CCDC40: variants seen among roughly 807,000 people sequenced by gnomAD.
The protein encoded by CCDC40 is coiled-coil domain-containing protein 40.
In CCDC40, 104 loss-of-function variants were observed where a neutral mutation model predicts 124.5. The ratio of observed to expected loss-of-function variants is 0.84; its 90% confidence interval spans 0.71 to 0.98. CCDC40 has a LOEUF of 0.98. CCDC40 is among the 50% of genes least tolerant of loss of function. The pLI, the probability that CCDC40 is intolerant of heterozygous loss-of-function variation, is 0.00. For missense variants in CCDC40, 1,463 were observed against 1,503.9 expected (o/e 0.97, Z 0.45); for synonymous variants, 580 against 602.9 (o/e 0.96, Z 0.56).
chr17:80,049,892 T>A lies in CCDC40; in HGVS notation c.856-14T>A, dbSNP rs2037534086. ...ACCAGAAAGGTAACCACCTGTGGTT[T>A]TCCATTGTTCTAGCCCCTGATGGTA... On this transcript the variant is annotated splice_polypyrimidine_tract_variant and intron_variant, in intron 5 of 19. Transcript: ENST00000397545. The A allele has an allele frequency of 1.2e-6, 2 of 1,612,646 alleles. No individual in the cohort carries two copies. Among genetic ancestry groups the A allele is most frequent in the South Asian group, 2.2e-5 (2 of 91,044 alleles).
chr17:80,091,897 T>A (rs1247395296), intron 17 of CCDC40, among the ~76,000 whole-genome samples: 1 of 152,192 alleles, frequency 6.6e-6, no homozygotes, highest in Non-Finnish European at 1.5e-5. Flanking sequence ...GTCATATCTG[T>A]ACCTTCTTCT....
At chr17:80,068,679 G>A (rs1259724668) in intron 10 of CCDC40, among the ~76,000 whole-genome samples, 1 of 151,938 alleles carries the variant, frequency 6.6e-6, no homozygotes, top group Non-Finnish European at 1.5e-5. Flanking sequence ...GATCCCCATG[G>A]GGCAGGACCC....
At position 80,058,627 on chromosome 17, in the gene CCDC40, G is replaced by A. The variant is rs1286992930; in HGVS notation, c.1293G>A (p.Arg431=). The A allele has an allele frequency of 6.2e-7, 1 of 1,614,218 alleles. No homozygotes were observed. The highest frequency in any genetic ancestry group is 2.2e-5 in the East Asian group (1 of 44,886). Residue 431 remains arginine, a synonymous_variant, in exon 8 of 20, where the codon CGG becomes CGA. Transcript: ENST00000397545. The surrounding 1 kb of genome is among the most constrained non-coding windows in gnomAD (Gnocchi z 4.2). ...VVKKAETERI[R]AEIEKKKQDL... Reference sequence around the variant, plus strand: ...AGAAGGCCGAGACGGAGAGGATCCGGGCAGAAATCGAGAAGAAAAAGCAGG... The same window carrying A: ...AGAAGGCCGAGACGGAGAGGATCCGAGCAGAAATCGAGAAGAAAAAGCAGG...
At chr17:80,064,827 C>T (rs559928424) in intron 9 of CCDC40, among the ~76,000 whole-genome samples, 1 of 152,080 alleles carries the variant, frequency 6.6e-6, no homozygotes, top group Non-Finnish European at 1.5e-5. Context: ...CTAGGCAGCC[C>T]TGCTTCCCCC....
At position 80,087,489 on chromosome 17, in the gene CCDC40, G is replaced by C; in HGVS notation, c.2450-118G>C. 1.3e-6 allele frequency: 1 copy of C among 762,508 alleles called. No homozygotes were observed. The highest frequency in any genetic ancestry group is 2.3e-6 in the Non-Finnish European group (1 of 428,784). 47.2% of individuals were successfully genotyped at this position (762,508 alleles called of 1,614,324 possible). A position where few individuals can be genotyped will look rare whatever the true frequency, so the allele number is the denominator to read the frequency against. The stretch of plus-strand genomic sequence containing the variant: ...AGCGCCAGGAACGACAAGAGGGAGG[G>C]GATGAAGGGAGCTACAGGGAGAGAC... On this transcript the variant is annotated intron_variant, in intron 14 of 19. Coordinates refer to ENST00000397545, the MANE Select transcript of CCDC40 (RefSeq NM_017950.4). This position sits in a 1 kb window ranked among gnomAD's most constrained non-coding sequence, Gnocchi z 4.5.
intron 7 of CCDC40, among the ~76,000 whole-genome samples, chr17:80,057,038 CAAAAA>C (rs34229653): frequency 1.8e-5 from 2 of 110,070 alleles, no homozygotes; most frequent in African/African-American, 6.6e-5. Context: ...GACTCTGTCT[CAAAAA>C]AAAAAAAAAG....
rs370581662 is a variant in CCDC40 at position 80,047,350 on chromosome 17, C to T, written c.624C>T (p.His208=). The T allele has an allele frequency of 2.0e-5, 32 of 1,613,724 alleles. No homozygotes were observed. The highest frequency in any genetic ancestry group is 1.0e-4 in the Admixed American group (6 of 59,994). Residue 208 remains histidine (H), a synonymous_variant, in exon 4 of 20, where the codon CAC becomes CAT. Coordinates refer to ENST00000397545, the MANE Select transcript of CCDC40 (RefSeq NM_017950.4). The part of the protein sequence containing the change: ...MGVQHRFRLS[H]GSDIESSDLE... Reference sequence around the variant, plus strand: ...TCCAGCACCGCTTCCGGCTGAGCCACGGGAGCGACATCGAGTCCTCAGACC... The same window carrying T: ...TCCAGCACCGCTTCCGGCTGAGCCATGGGAGCGACATCGAGTCCTCAGACC...
chr17:80,056,002 A>ATTTTTTTTT (rs1397122647), intron 7 of CCDC40, among the ~76,000 whole-genome samples: 1 of 7,838 alleles, frequency 1.3e-4, no homozygotes, highest in Non-Finnish European at 2.8e-4. Context: ...ATATATATAT[A>ATTTTTTTTT]TATATATATA....
chr17:80,087,265 C>T lies in CCDC40; in HGVS notation c.2450-342C>T. ...CACAGTGTCTGAGCATCAACCAGGTCCCGGTGCTCCACAGATTTGCAAGTG... is the reference window on the plus strand; with the variant it reads ...CACAGTGTCTGAGCATCAACCAGGTTCCGGTGCTCCACAGATTTGCAAGTG... On this transcript the variant is annotated intron_variant, in intron 14 of 19. Transcript: ENST00000397545. This position sits in a 1 kb window ranked among gnomAD's most constrained non-coding sequence, Gnocchi z 4.5. 5.0e-6 allele frequency: 2 copies of T among 397,714 alleles called. No individual in the cohort carries two copies. Among genetic ancestry groups the T allele is most frequent in the Non-Finnish European group, 4.8e-6 (1 of 209,312 alleles). 24.6% of individuals were successfully genotyped at this position (397,714 alleles called of 1,614,324 possible).
At chr17:80,090,840 A>T in intron 17 of CCDC40, 1 of 1,163,970 alleles carries the variant, frequency 8.6e-7, no homozygotes. Flanking sequence ...TCCTCTGCTG[A>T]GTTATTTTTC....
intron 1 of CCDC40, among the ~76,000 whole-genome samples, chr17:80,037,688 A>AAAAAAAAAAAATATATATAT: frequency 1.1e-4 from 5 of 45,676 alleles, no homozygotes; most frequent in Admixed American, 2.4e-4. Context: ...TTTTTTAAAA[A>AAAAAAAAAAAATATATATAT]AGATATACAT....
intron 17 of CCDC40, among the ~76,000 whole-genome samples, chr17:80,091,661 C>T (rs1371936202): frequency 6.6e-6 from 1 of 152,148 alleles, no homozygotes; most frequent in Non-Finnish European, 1.5e-5. Context: ...CACAGTTCTA[C>T]CCAAAACAGA....
At chr17:80,063,740 T>C (rs1397383409) in intron 9 of CCDC40, among the ~76,000 whole-genome samples, 1 of 152,224 alleles carries the variant, frequency 6.6e-6, no homozygotes, top group Non-Finnish European at 1.5e-5. Context: ...CCTCAGGTGA[T>C]CCGTCCGCCT....
At chr17:80,076,871 C>T (rs933998923) in intron 10 of CCDC40, among the ~76,000 whole-genome samples, 2 of 151,914 alleles carry the variant, frequency 1.3e-5, no homozygotes, top group Non-Finnish European at 2.9e-5. Context: ...TCAGCCTCCT[C>T]AGTAGCTGGG....
Position 80,091,302 on chromosome 17 carries a change from TACACACACACACACACACAC to T in CCDC40, c.2832+1440_2832+1459del, listed in dbSNP as rs71163919. Among the ~76,000 whole-genome samples, 25 of 139,630 alleles carry T rather than the reference TACACACACACACACACACAC, an allele frequency of 1.8e-4. 1 individual carries two copies. The South Asian group carries it at 1.9e-3, about 11-fold the overall frequency. 91.6% of individuals were successfully genotyped at this position (139,630 alleles called of 152,430 possible). A position where few individuals can be genotyped will look rare whatever the true frequency, so the allele number is the denominator to read the frequency against. ...CTCCAAAGAAACAGAACCAGTAGACTACACACACACACACACACACACACACACACACACACACACAGAGA... is the reference window on the plus strand; with the variant it reads ...CTCCAAAGAAACAGAACCAGTAGACTACACACACACACACACACACAGAGA... On this transcript the variant is annotated intron_variant, in intron 17 of 19. Transcript: ENST00000397545.
chr17:80,087,876 C>T lies in CCDC40; in HGVS notation c.2619+100C>T, dbSNP rs1053783868. ...TGCACCAGGATGTAATTTCCACACC[C>T]GTTCAAGATGCTTGTAGGGGTATTA... On this transcript the variant is annotated intron_variant, in intron 15 of 19. Transcript: ENST00000397545. The surrounding 1 kb of genome is among the most constrained non-coding windows in gnomAD (Gnocchi z 4.5). 2.1e-5 allele frequency: 28 copies of T among 1,317,928 alleles called. No individual in the cohort carries two copies. The highest frequency in any genetic ancestry group is 2.2e-5 in the Non-Finnish European group (20 of 911,864). The allele number at this position is 1,317,928 out of a possible 1,614,324, so 81.6% of individuals were successfully genotyped here. A position where few individuals can be genotyped will look rare whatever the true frequency, so the allele number is the denominator to read the frequency against.
Position 80,087,997 on chromosome 17 carries a change from C to T in CCDC40, c.2620-14C>T. On this transcript the variant is annotated splice_polypyrimidine_tract_variant and intron_variant, in intron 15 of 19. Transcript: ENST00000397545. This position sits in a 1 kb window ranked among gnomAD's most constrained non-coding sequence, Gnocchi z 4.5. ...GGCCCTCCCCACAGCTGTCCCGCCC[C>T]CTCCCCCATGCAGGCCTCTGAGAGG... 6.3e-7 allele frequency: 1 copy of T among 1,592,932 alleles called. No individual in the cohort carries two copies. Among genetic ancestry groups the T allele is most frequent in the South Asian group, 1.1e-5 (1 of 90,672 alleles).
At chr17:80,079,297 G>A (rs1157312178) in intron 10 of CCDC40, among the ~76,000 whole-genome samples, 1 of 151,962 alleles carries the variant, frequency 6.6e-6, no homozygotes, top group Non-Finnish European at 1.5e-5. Context: ...CAAGCAACCT[G>A]TTACTGTTTC....
At chr17:80,098,664 C>T (rs1007059654) in intron 19 of CCDC40, among the ~76,000 whole-genome samples, 3 of 152,198 alleles carry the variant, frequency 2.0e-5, no homozygotes, top group African/African-American at 7.2e-5. Flanking sequence ...CTAAGCCGGG[C>T]ACGGTGGCTC....
Sources: gnomAD v4.1 joint callset for allele counts (sites outside exome capture counted in the v4.1 genomes callset) on GRCh38, gnomAD v4.1.1 for gene constraint, Gnocchi (gnomAD v3.1) non-coding constraint, MANE v1.5 for transcripts, NCBI Gene and HGNC (gene_info 2026-07-23, HGNC 2026-07-21) for gene names.